The following WDR72 variants were observed in gnomAD, a reference collection of about 807,000 sequenced individuals.
WDR72 encodes the protein WD repeat-containing protein 72.
A neutral mutation model predicts 124.2 loss-of-function variants in WDR72; 120 were observed. The observed-to-expected ratio is 0.97, with a 90% CI of 0.83 to 1.12. The LOEUF is 1.12. Ranked by LOEUF, WDR72 falls within the 50% of genes most tolerant of loss-of-function variation. WDR72 has a pLI of 0.00. For missense variants in WDR72, 1,387 were observed against 1,278.8 expected (o/e 1.08, Z -1.29); for synonymous variants, 452 against 441.7 (o/e 1.02, Z -0.29).
chr15:53,711,275 A>G (rs767172360), intron 8 of WDR72, 61 bp downstream of exon 8: 16 of 1,612,120 alleles, frequency 9.9e-6, no homozygotes, highest in African/African-American at 1.3e-5. Flanking sequence ...TTTCCATAAT[A>G]AACCTCCCAA....
At chr15:53,727,983 C>T (rs903684630) in intron 2 of WDR72, among the ~76,000 whole-genome samples, 5 of 152,182 alleles carry the variant, frequency 3.3e-5, no homozygotes, top group African/African-American at 1.2e-4. Flanking sequence ...CTGACCACCA[C>T]CATCACTTCC....
chr15:53,730,571 T>C (rs1413553378), intron 2 of WDR72, among the ~76,000 whole-genome samples: 1 of 152,090 alleles, frequency 6.6e-6, no homozygotes. Context: ...GAAAGAACTT[T>C]CCAAACTTAG....
intron 2 of WDR72, among the ~76,000 whole-genome samples, chr15:53,728,143 TGG>T (rs1403255179): frequency 6.6e-6 from 1 of 152,200 alleles, no homozygotes; most frequent in African/African-American, 2.4e-5. Flanking sequence ...TCCACATGGC[TGG>T]GGAGGCCTCC....
intron 17 of WDR72, among the ~76,000 whole-genome samples, chr15:53,603,289 C>G (rs553529637): frequency 2.0e-5 from 3 of 152,006 alleles, no homozygotes; most frequent in African/African-American, 4.8e-5. Context: ...ATTCAACATC[C>G]CTTCATGTTA....
chr15:53,587,245 T>C (rs2012259927), intron 18 of WDR72, among the ~76,000 whole-genome samples: 1 of 152,036 alleles, frequency 6.6e-6, no homozygotes, highest in Admixed American at 6.6e-5. Flanking sequence ...CATATAACTA[T>C]GGAGGAATCT....
At chr15:53,551,479 C>T (rs556956253) in intron 18 of WDR72, among the ~76,000 whole-genome samples, 2 of 152,240 alleles carry the variant, frequency 1.3e-5, no homozygotes, top group African/African-American at 4.8e-5. Context: ...ACACCCTTGG[C>T]AACTGCACCC....
At chr15:53,619,011 A>G (rs564743180) in intron 14 of WDR72, among the ~76,000 whole-genome samples, 1 of 152,018 alleles carries the variant, frequency 6.6e-6, no homozygotes, top group Admixed American at 6.6e-5. Flanking sequence ...TATGTTCCTT[A>G]AATTGCCCAT....
At chr15:53,634,146 T>C (rs562104043) in intron 14 of WDR72, among the ~76,000 whole-genome samples, 1 of 152,244 alleles carries the variant, frequency 6.6e-6, no homozygotes, top group South Asian at 2.1e-4. Flanking sequence ...AAAACTGAGG[T>C]CCTCCCTCTT....
rs181739571 is a variant in WDR72 at position 53,681,263 on chromosome 15, G to C, written c.1766-15495C>G. On this transcript the variant is annotated intron_variant, in intron 13 of 19. Coordinates refer to ENST00000360509, the MANE Select transcript of WDR72 (RefSeq NM_182758.4). ...AGCTGGCTACTGGGAAGTTGCTAGG[G>C]AATTGAAAGAAGGCAGCGTGGGGAG... 3.7e-3 allele frequency among the ~76,000 whole-genome samples: 566 copies of C among 152,286 alleles called. 1 individual carries two copies. The highest frequency in any genetic ancestry group is 4.9e-3 in the Non-Finnish European group (336 of 68,022).
intron 18 of WDR72, among the ~76,000 whole-genome samples, chr15:53,543,620 C>T (rs568656162): frequency 6.6e-6 from 1 of 151,154 alleles, no homozygotes; most frequent in Admixed American, 6.6e-5. Flanking sequence ...CAAAAGCTAG[C>T]AGAAGGCAAG....
intron 18 of WDR72, among the ~76,000 whole-genome samples, chr15:53,585,107 A>G (rs2012130999): frequency 6.6e-6 from 1 of 151,972 alleles, no homozygotes; most frequent in South Asian, 2.1e-4. Context: ...GTTTTTAAAT[A>G]TTATTGGGTG....
intron 18 of WDR72, among the ~76,000 whole-genome samples, chr15:53,586,019 T>C (rs2140324043): frequency 6.6e-6 from 1 of 152,186 alleles, no homozygotes; most frequent in South Asian, 2.1e-4. Context: ...TTTACAGTAA[T>C]GTGAATGTTA....
chr15:53,544,049 C>A (rs1389733926), intron 18 of WDR72, among the ~76,000 whole-genome samples: 1 of 146,398 alleles, frequency 6.8e-6, no homozygotes, highest in African/African-American at 2.5e-5. Flanking sequence ...AGTCCAGGAC[C>A]AGATGGATTC....
At chr15:53,755,372 T>C (rs1037829874) in intron 1 of WDR72, among the ~76,000 whole-genome samples, 9 of 152,242 alleles carry the variant, frequency 5.9e-5, no homozygotes, top group African/African-American at 2.2e-4. Context: ...AACTAAAAAT[T>C]AATGATGCTA....
intron 14 of WDR72, among the ~76,000 whole-genome samples, chr15:53,665,194 T>C (rs1221539571): frequency 1.4e-5 from 2 of 146,660 alleles, no homozygotes; most frequent in Non-Finnish European, 2.9e-5. Context: ...ATCTAGTTTT[T>C]CTGATTTTTT....
chr15:53,715,646 T>C (rs912990365), intron 4 of WDR72, among the ~76,000 whole-genome samples: 2 of 140,238 alleles, frequency 1.4e-5, no homozygotes, highest in Non-Finnish European at 3.3e-5. Context: ...ATTTCTGGAG[T>C]GCAACTTGGA....
chr15:53,740,818 C>T (rs1249086098), intron 1 of WDR72, among the ~76,000 whole-genome samples: 1 of 152,102 alleles, frequency 6.6e-6, no homozygotes, highest in Non-Finnish European at 1.5e-5. Flanking sequence ...TAAATTTGAG[C>T]CATTTTGTCC....
intron 1 of WDR72, among the ~76,000 whole-genome samples, chr15:53,735,184 G>C (rs1489242163): frequency 6.6e-6 from 1 of 152,030 alleles, no homozygotes; most frequent in African/African-American, 2.4e-5. Flanking sequence ...ATCCTACCTC[G>C]GGAGGCTGAG....
intron 13 of WDR72, among the ~76,000 whole-genome samples, chr15:53,693,635 G>A (rs1385287532): frequency 1.3e-5 from 2 of 152,118 alleles, no homozygotes; most frequent in Non-Finnish European, 2.9e-5. Flanking sequence ...TTGCAGTATT[G>A]TGGATTGAAT....
Sources: gnomAD v4.1 joint callset for allele counts (sites outside exome capture counted in the v4.1 genomes callset) on GRCh38, gnomAD v4.1.1 for gene constraint, MANE v1.5 for transcripts, NCBI Gene and HGNC (gene_info 2026-07-23, HGNC 2026-07-21) for gene names.